TCF7L2: variants seen among roughly 807,000 people sequenced by gnomAD.
TCF7L2 encodes the protein transcription factor 7 like 2.
TCF7L2 carries 23 observed loss-of-function variants against 77.9 expected under a neutral mutation model. The observed-to-expected ratio is 0.30, with a 90% CI of 0.21 to 0.42. The LOEUF (loss-of-function observed/expected upper bound fraction) is 0.42. TCF7L2 is among the 10% of genes least tolerant of loss of function. The pLI, the probability that TCF7L2 is intolerant of heterozygous loss-of-function variation, is 1.00. For missense variants in TCF7L2, 654 were observed against 793.1 expected (o/e 0.82, Z 2.11); for synonymous variants, 413 against 340.2 (o/e 1.21, Z -2.36).
chr10:113,035,196 T>C (rs1009650029), intron 4 of TCF7L2, among the ~76,000 whole-genome samples: 7 of 152,206 alleles, frequency 4.6e-5, no homozygotes, highest in African/African-American at 1.7e-4. Flanking sequence ...AGGATTTTTT[T>C]CCAAGCTTTT....
intron 8 of TCF7L2, among the ~76,000 whole-genome samples, chr10:113,146,299 A>C (rs2069377185): frequency 6.6e-6 from 1 of 152,216 alleles, no homozygotes; most frequent in Admixed American, 6.5e-5. Flanking sequence ...TTCTGGGTAA[A>C]ATTTTTGAGT....
chr10:113,142,686 C>T (rs961838745), intron 6 of TCF7L2, among the ~76,000 whole-genome samples: 3 of 152,182 alleles, frequency 2.0e-5, no homozygotes, highest in African/African-American at 7.2e-5. Context: ...CTGAGCCTGG[C>T]GCTTGGATGC....
intron 3 of TCF7L2, among the ~76,000 whole-genome samples, chr10:112,961,267 C>A (rs28547348): frequency 3.0e-5 from 4 of 132,626 alleles, no homozygotes; most frequent in Admixed American, 7.5e-5. Context: ...CCCCCCCCCC[C>A]AACCTCGGCC....
chr10:113,063,226 T>C (rs1281787073), intron 5 of TCF7L2, among the ~76,000 whole-genome samples: 1 of 152,202 alleles, frequency 6.6e-6, no homozygotes, highest in African/African-American at 2.4e-5. Flanking sequence ...TCTTATATCC[T>C]TGGAGTAGTG....
chr10:113,047,137 G>A (rs1049454640), intron 5 of TCF7L2, among the ~76,000 whole-genome samples: 2 of 152,088 alleles, frequency 1.3e-5, no homozygotes, highest in African/African-American at 2.4e-5. Context: ...TCATCTTTGT[G>A]TGTAAATCTT....
chr10:113,051,005 T>G (rs922754880), intron 5 of TCF7L2, among the ~76,000 whole-genome samples: 1 of 152,192 alleles, frequency 6.6e-6, no homozygotes, highest in Non-Finnish European at 1.5e-5. Context: ...CACATTTTTT[T>G]TTTTCTGATA....
At chr10:112,964,015 C>A (rs1332323178) in intron 3 of TCF7L2, among the ~76,000 whole-genome samples, 2 of 152,064 alleles carry the variant, frequency 1.3e-5, no homozygotes. Context: ...ATCGGGTGGC[C>A]CCTGAATTCT....
chr10:112,988,074 G>C (rs745897294), intron 4 of TCF7L2, among the ~76,000 whole-genome samples: 1 of 148,300 alleles, frequency 6.7e-6, no homozygotes, highest in African/African-American at 2.5e-5. Flanking sequence ...ACACTTATCA[G>C]AGGAGGGTGT....
At chr10:113,135,508 T>A (rs1310661600) in intron 5 of TCF7L2, among the ~76,000 whole-genome samples, 3 of 152,224 alleles carry the variant, frequency 2.0e-5, no homozygotes, top group African/African-American at 4.8e-5. Flanking sequence ...TGATTTAAAG[T>A]CAGATGAGGA....
intron 5 of TCF7L2, among the ~76,000 whole-genome samples, chr10:113,118,551 G>GTGTGTGTT (rs1030703346): frequency 1.3e-5 from 2 of 150,262 alleles, no homozygotes; most frequent in Non-Finnish European, 3.0e-5. Context: ...GTGTGTGTGT[G>GTGTGTGTT]TGTTTGTTCA....
At chr10:113,019,896 CGGAT>C (rs2048009001) in intron 4 of TCF7L2, among the ~76,000 whole-genome samples, 1 of 151,872 alleles carries the variant, frequency 6.6e-6, no homozygotes, top group Admixed American at 6.6e-5. Flanking sequence ...TGCAGTGATA[CGGAT>C]GGAGGCAGGT....
intron 5 of TCF7L2, among the ~76,000 whole-genome samples, chr10:113,101,715 C>T (rs574131661): frequency 5.4e-4 from 80 of 147,734 alleles, no homozygotes; most frequent in South Asian, 2.2e-3. Flanking sequence ...TGGTGGCGGC[C>T]GCCTGTAGTC....
At chr10:112,984,300 A>ATGTTTT (rs1377023940) in intron 4 of TCF7L2, among the ~76,000 whole-genome samples, 7 of 151,902 alleles carry the variant, frequency 4.6e-5, no homozygotes, top group African/African-American at 1.2e-4. Flanking sequence ...TCAGAAAGCT[A>ATGTTTT]TGTTTTTGTT....
At chr10:113,045,993 A>G (rs73358291) in intron 5 of TCF7L2, among the ~76,000 whole-genome samples, 5,130 of 152,210 alleles carry the variant, frequency 0.034, 264 homozygotes, top group African/African-American at 0.12. Flanking sequence ...CCAGGCAATC[A>G]GGTTATCTTT....
At chr10:113,031,235 T>A (rs1455856477) in intron 4 of TCF7L2, among the ~76,000 whole-genome samples, 1 of 152,200 alleles carries the variant, frequency 6.6e-6, no homozygotes, top group Admixed American at 6.5e-5. Flanking sequence ...GTAGTGACAA[T>A]CAATTTAGAG....
chr10:113,152,758 C>T (rs1302994359), intron 11 of TCF7L2, among the ~76,000 whole-genome samples: 1 of 152,174 alleles, frequency 6.6e-6, no homozygotes, highest in Non-Finnish European at 1.5e-5. Flanking sequence ...AGGATACACC[C>T]AAAGGACCTT....
chr10:113,126,928 C>G (rs2065736233), intron 5 of TCF7L2: 1 of 985,200 alleles, frequency 1.0e-6, no homozygotes, highest in East Asian at 1.1e-4. Flanking sequence ...GCGCGGTGGC[C>G]GGCCCGCTGC....
chr10:113,061,107 C>T (rs993621657), intron 5 of TCF7L2, among the ~76,000 whole-genome samples: 2 of 152,224 alleles, frequency 1.3e-5, no homozygotes, highest in Middle Eastern at 3.4e-3. Flanking sequence ...TTTAAGCCTC[C>T]AACCTTGTGG....
intron 5 of TCF7L2, 133 bp from the exon 6 acceptor site, chr10:113,141,050 TG>T: frequency 9.6e-7 from 1 of 1,041,802 alleles, no homozygotes; most frequent in Non-Finnish European, 1.4e-6. Context: ...GAGTATGGGA[TG>T]GGCAGAGTTG....
Sources: allele counts gnomAD v4.1 joint callset (sites outside exome capture counted in the v4.1 genomes callset), GRCh38; gene constraint gnomAD v4.1.1; transcripts MANE v1.5; gene names NCBI Gene and HGNC (gene_info 2026-07-23, HGNC 2026-07-21).